Variants in CLSTN2 observed in about 807,000 individuals in gnomAD.
CLSTN2 encodes the protein calsyntenin-2.
CLSTN2 carries 48 observed loss-of-function variants against 101.2 expected under a neutral mutation model. The observed-to-expected ratio is 0.47, with a 90% CI of 0.38 to 0.60. CLSTN2 has a LOEUF of 0.60. Among genes scored for constraint, CLSTN2 ranks in the 20% least tolerant of loss-of-function variants. The probability of loss-of-function intolerance (pLI) is 0.00; values close to 1 mark genes in which losing one functional copy is unlikely to be tolerated. For synonymous variants in CLSTN2, 481 were observed against 463.6 expected (o/e 1.04, Z -0.48); for missense variants, 1,160 against 1,238.2 (o/e 0.94, Z 0.95).
intron 2 of CLSTN2, among the ~76,000 whole-genome samples, chr3:140,362,720 A>G (rs2087742205): frequency 1.3e-5 from 2 of 152,232 alleles, no homozygotes; most frequent in South Asian, 4.1e-4. Context: ...ATGGTACTCA[A>G]TCAATATAAT....
chr3:140,377,126 C>T (rs950039114), intron 2 of CLSTN2, among the ~76,000 whole-genome samples: 2 of 151,818 alleles, frequency 1.3e-5, no homozygotes, highest in African/African-American at 2.4e-5. Context: ...AAGATTATAA[C>T]GGAGTTAAAA....
chr3:140,459,508 T>C lies in CLSTN2; in HGVS notation c.974-13T>C, dbSNP rs571208745. On this transcript the variant is annotated splice_polypyrimidine_tract_variant and intron_variant, in intron 6 of 16. Transcript: ENST00000458420. ...TCATGACCTGTTATCCTTTCTTTCC[T>C]GACCCTCTGCAGGAGCCTCCTCTGG... is the stretch of plus-strand genomic sequence containing the variant. 1.3e-5 allele frequency: 21 copies of C among 1,613,208 alleles called. No individual in the cohort carries two copies. In the South Asian group the frequency reaches 2.2e-4, roughly 17 times the overall value.
chr3:140,325,389 A>G (rs1415586122), intron 2 of CLSTN2, among the ~76,000 whole-genome samples: 2 of 152,196 alleles, frequency 1.3e-5, no homozygotes, highest in African/African-American at 2.4e-5. Context: ...TATGATGTGA[A>G]GGTGAATGAT....
chr3:140,065,724 G>A (rs74496208), intron 1 of CLSTN2, among the ~76,000 whole-genome samples: 3,963 of 152,236 alleles, frequency 0.026, 182 homozygotes, highest in African/African-American at 0.09. Context: ...CCACTTCCCT[G>A]GAACTATTAA....
rs376459304 is a variant in CLSTN2, at chr3:140,224,227, T to A, written c.232+48154T>A. Among the ~76,000 whole-genome samples the A allele has an allele frequency of 3.9e-5, 6 of 152,324 alleles. No individual in the cohort carries two copies. The South Asian group carries it at 1.0e-3, about 26-fold the overall frequency. ...GGCCCCCTCCTATTTGTGTGACCAA[T>A]GGCGAATCATTTAACCATTGTAATC... On this transcript the variant is annotated intron_variant, in intron 2 of 16. Coordinates refer to ENST00000458420, the MANE Select transcript of CLSTN2 (RefSeq NM_022131.3).
At chr3:140,182,186 T>G (rs2010418254) in intron 2 of CLSTN2, among the ~76,000 whole-genome samples, 1 of 152,224 alleles carries the variant, frequency 6.6e-6, no homozygotes, top group Non-Finnish European at 1.5e-5. Context: ...AGAATTTTAA[T>G]AATATTCGGT....
intron 8 of CLSTN2, among the ~76,000 whole-genome samples, chr3:140,511,520 C>T (rs867743312): frequency 5.0e-4 from 75 of 150,324 alleles, no homozygotes; most frequent in African/African-American, 1.7e-3. Context: ...TGCAACTGTG[C>T]CAGTATCTGC....
chr3:140,081,692 A>T (rs1432650046), intron 1 of CLSTN2, among the ~76,000 whole-genome samples: 5 of 148,680 alleles, frequency 3.4e-5, no homozygotes, highest in Admixed American at 6.9e-5. Context: ...TGATATCATG[A>T]TATCATACCA....
chr3:140,229,414 A>G (rs919603743), intron 2 of CLSTN2, among the ~76,000 whole-genome samples: 1 of 152,046 alleles, frequency 6.6e-6, no homozygotes, highest in Non-Finnish European at 1.5e-5. Context: ...TAGATGCTGG[A>G]GCTGCTGTGG....
intron 2 of CLSTN2, among the ~76,000 whole-genome samples, chr3:140,294,474 G>T (rs1360823814): frequency 6.6e-6 from 1 of 152,026 alleles, no homozygotes; most frequent in Admixed American, 6.6e-5. Context: ...CATCATGAAG[G>T]GTGACAAATT....
chr3:140,191,437 G>A (rs1182450182), intron 2 of CLSTN2, among the ~76,000 whole-genome samples: 1 of 151,984 alleles, frequency 6.6e-6, no homozygotes, highest in African/African-American at 2.4e-5. Flanking sequence ...ATTGGGAAGT[G>A]TCCCCTCCTG....
At chr3:140,025,314 G>C (rs1576400924) in intron 1 of CLSTN2, among the ~76,000 whole-genome samples, 1 of 152,326 alleles carries the variant, frequency 6.6e-6, no homozygotes, top group South Asian at 2.1e-4. Context: ...AGAAATGATG[G>C]AAGTTCAGAA....
chr3:140,196,521 C>T (rs904357928), intron 2 of CLSTN2, among the ~76,000 whole-genome samples: 1 of 152,194 alleles, frequency 6.6e-6, no homozygotes, highest in African/African-American at 2.4e-5. Context: ...CAGGGATATA[C>T]CCATGAAGTC....
chr3:139,971,557 T>C (rs1036886017), intron 1 of CLSTN2, among the ~76,000 whole-genome samples: 1 of 152,130 alleles, frequency 6.6e-6, no homozygotes, highest in African/African-American at 2.4e-5. Context: ...TGAGACAGGC[T>C]TGAAGAAAGG....
At chr3:140,256,911 C>T (rs1425484394) in intron 2 of CLSTN2, among the ~76,000 whole-genome samples, 3 of 152,138 alleles carry the variant, frequency 2.0e-5, no homozygotes, top group Non-Finnish European at 4.4e-5. Flanking sequence ...ACACTAGGCA[C>T]TTGTTTGCTC....
intron 5 of CLSTN2, among the ~76,000 whole-genome samples, chr3:140,440,950 A>G (rs904166465): frequency 6.6e-6 from 1 of 152,198 alleles, no homozygotes; most frequent in African/African-American, 2.4e-5. Context: ...GCCACAGCAG[A>G]GCATTAAACC....
At chr3:139,953,549 C>T (rs1005572763) in intron 1 of CLSTN2, among the ~76,000 whole-genome samples, 1 of 152,172 alleles carries the variant, frequency 6.6e-6, no homozygotes, top group Non-Finnish European at 1.5e-5. Flanking sequence ...CCCCTCTGTG[C>T]TTGCCAAGTG....
At chr3:140,281,528 G>A (rs931122087) in intron 2 of CLSTN2, among the ~76,000 whole-genome samples, 29 of 152,224 alleles carry the variant, frequency 1.9e-4, no homozygotes, top group African/African-American at 5.8e-4. Flanking sequence ...CCAGAAACAC[G>A]TAGAGGAAGG....
At chr3:140,224,592 C>T (rs1429815785) in intron 2 of CLSTN2, among the ~76,000 whole-genome samples, 3 of 152,082 alleles carry the variant, frequency 2.0e-5, no homozygotes, top group Admixed American at 6.6e-5. Context: ...CTGGTTGAAG[C>T]ATCACAAAAA....
Sources: gnomAD v4.1 joint callset for allele counts (sites outside exome capture counted in the v4.1 genomes callset) on GRCh38, gnomAD v4.1.1 for gene constraint, MANE v1.5 for transcripts, NCBI Gene and HGNC (gene_info 2026-07-23, HGNC 2026-07-21) for gene names.